PPARGC1B: variants seen among roughly 807,000 people sequenced by gnomAD.
PPARGC1B encodes the protein peroxisome proliferator-activated receptor gamma coactivator 1-beta.
Under a neutral mutation model 101.6 loss-of-function variants are expected in PPARGC1B, and 34 were observed. The ratio of observed to expected loss-of-function variants is 0.33; its 90% CI spans 0.25 to 0.45. The LOEUF is 0.45. Ranked by LOEUF, PPARGC1B falls within the 20% of genes least tolerant of loss-of-function variation. The pLI is 1.00. For synonymous variants in PPARGC1B, 548 were observed against 539.3 expected (o/e 1.02, Z -0.22); for missense variants, 1,234 against 1,317.6 (o/e 0.94, Z 0.98).
chr5:149,844,567 A>G (rs55983789), intron 10 of PPARGC1B, among the ~76,000 whole-genome samples: 1 of 152,362 alleles, frequency 6.6e-6, no homozygotes, highest in Non-Finnish European at 1.5e-5. Context: ...TGAACCCGGA[A>G]GGCAGAGGCT....
At chr5:149,774,443 T>G (rs144219179) in intron 1 of PPARGC1B, among the ~76,000 whole-genome samples, 1 of 152,222 alleles carries the variant, frequency 6.6e-6, no homozygotes, top group African/African-American at 2.4e-5. Context: ...GCCGGGCATA[T>G]AGCAGCGGAT....
At chr5:149,785,386 A>G (rs1276294887) in intron 1 of PPARGC1B, among the ~76,000 whole-genome samples, 1 of 152,146 alleles carries the variant, frequency 6.6e-6, no homozygotes, top group Admixed American at 6.5e-5. Context: ...GTCATCTGTA[A>G]AGAGGGATGC....
chr5:149,748,667 T>C (rs893905016), intron 1 of PPARGC1B, among the ~76,000 whole-genome samples: 3 of 152,182 alleles, frequency 2.0e-5, no homozygotes, highest in African/African-American at 7.2e-5. Flanking sequence ...AGGGGCCTCC[T>C]AGCCAGGGAC....
chr5:149,832,612 G>A lies in PPARGC1B; in HGVS notation c.583-44G>A. ...CATGCGGATGAGACACATGGGAGGA[G>A]TGTTTGGGCCTCCTTCCTCACTCTG... On this transcript the variant is annotated intron_variant, in intron 4 of 11. Coordinates refer to ENST00000309241, the MANE Select transcript of PPARGC1B (RefSeq NM_133263.4). The surrounding 1 kb of genome is among the most constrained non-coding windows in gnomAD (Gnocchi z 4.9). 1 of 1,454,176 alleles carries A rather than the reference G, an allele frequency of 6.9e-7. No individual in the cohort carries two copies. Among genetic ancestry groups the A allele is most frequent in the South Asian group, 1.4e-5 (1 of 70,340 alleles). The allele number at this position is 1,454,176 out of a possible 1,614,324, so 90.1% of individuals were successfully genotyped here. A position where few individuals can be genotyped will look rare whatever the true frequency, so the allele number is the denominator to read the frequency against.
At chr5:149,762,135 T>G (rs540373487) in intron 1 of PPARGC1B, among the ~76,000 whole-genome samples, 2 of 149,844 alleles carry the variant, frequency 1.3e-5, no homozygotes, top group East Asian at 3.9e-4. Flanking sequence ...GGTGGGTGAC[T>G]TGGGTCAGGA....
At chr5:149,758,653 A>G (rs962751766) in intron 1 of PPARGC1B, among the ~76,000 whole-genome samples, 3 of 152,034 alleles carry the variant, frequency 2.0e-5, no homozygotes, top group Non-Finnish European at 2.9e-5. Context: ...GCCCCCAGGA[A>G]CTCATCACCA....
Position 149,837,118 on chromosome 5 carries a change from C to A in PPARGC1B, c.2618+45C>A, listed in dbSNP as rs763912217. On this transcript the variant is annotated intron_variant, in intron 8 of 11. Coordinates refer to ENST00000309241, the MANE Select transcript of PPARGC1B (RefSeq NM_133263.4). The surrounding 1 kb of genome is among the most constrained non-coding windows in gnomAD (Gnocchi z 4.2). ...GGAGAGGCAGCGGGCAGTGGAGGAT[C>A]CCAGTTCCCGGGGAGCCAGGAGCCC... 1.3e-6 allele frequency: 2 copies of A among 1,541,292 alleles called. No homozygotes were observed. Among genetic ancestry groups the A allele is most frequent in the Admixed American group, 2.0e-5 (1 of 49,806 alleles).
chr5:149,771,574 G>A (rs1756132678), intron 1 of PPARGC1B, among the ~76,000 whole-genome samples: 1 of 152,218 alleles, frequency 6.6e-6, no homozygotes, highest in Non-Finnish European at 1.5e-5. Flanking sequence ...GTATCGTCTT[G>A]GACCTGTGAG....
rs185209930 is a variant in PPARGC1B at position 149,780,931 on chromosome 5, C to A, written c.79-39502C>A. On this transcript the variant is annotated intron_variant, in intron 1 of 11. Coordinates refer to ENST00000309241, the MANE Select transcript of PPARGC1B (RefSeq NM_133263.4). ...TAAGAAGGGGCTTTCCGGCAGGGCG[C>A]GGTGGCTCATGCCTGTAATCCCAGC... is the stretch of plus-strand genomic sequence containing the variant. Among the ~76,000 whole-genome samples the A allele has an allele frequency of 2.4e-3, 365 of 152,262 alleles. 3 individuals are homozygous for A. Among genetic ancestry groups the A allele is most frequent in the African/African-American group, 8.4e-3 (351 of 41,562 alleles).
intron 10 of PPARGC1B, among the ~76,000 whole-genome samples, chr5:149,842,710 G>A (rs1267673517): frequency 6.6e-6 from 1 of 152,230 alleles, no homozygotes; most frequent in African/African-American, 2.4e-5. Flanking sequence ...GCAGCTAGTT[G>A]GTGGCAGAGC....
At chr5:149,846,321 C>A in intron 11 of PPARGC1B, 1 of 372,150 alleles carries the variant, frequency 2.7e-6, no homozygotes. Context: ...TGAAGAAGGA[C>A]AAAGAAGTAC....
chr5:149,833,578 C>T lies in PPARGC1B; in HGVS notation c.1505C>T (p.Pro502Leu), dbSNP rs202063418. ...GATGAGCCGCTGGTCCCCTCGGAGC[C>T]CCAAGGTGCTCTGCCCTCACTGTGC... is the stretch of plus-strand genomic sequence containing the variant. Reference protein sequence around the residue: ...FADEPLVPSEPQGALPSLCLA... With the variant: ...FADEPLVPSELQGALPSLCLA... Residue 502 changes from proline to leucine, a missense_variant, in exon 5 of 12, where the codon CCC becomes CTC. Physicochemically the swap from Pro to Leu is moderately conservative, Grantham distance 98 (BLOSUM62 -3). Coordinates refer to ENST00000309241, the MANE Select transcript of PPARGC1B (RefSeq NM_133263.4). The surrounding 1 kb of genome is among the most constrained non-coding windows in gnomAD (Gnocchi z 4.1). The T allele has an allele frequency of 6.3e-7, 1 of 1,599,462 alleles. No individual in the cohort carries two copies. The highest frequency in any genetic ancestry group is 8.5e-7 in the Non-Finnish European group (1 of 1,173,324).
chr5:149,773,186 A>G (rs1236703680), intron 1 of PPARGC1B, among the ~76,000 whole-genome samples: 1 of 152,234 alleles, frequency 6.6e-6, no homozygotes, highest in East Asian at 1.9e-4. Flanking sequence ...CACAGGCTGC[A>G]GTTCAGGTTG....
Position 149,837,180 on chromosome 5 carries a change from T to C in PPARGC1B, c.2618+107T>C. 1.4e-6 allele frequency: 2 copies of C among 1,474,520 alleles called. No homozygotes were observed. Among genetic ancestry groups the C allele is most frequent in the Non-Finnish European group, 9.0e-7 (1 of 1,108,404 alleles). 91.3% of individuals were successfully genotyped at this position (1,474,520 alleles called of 1,614,324 possible). A position where few individuals can be genotyped will look rare whatever the true frequency, so the allele number is the denominator to read the frequency against. On this transcript the variant is annotated intron_variant, in intron 8 of 11. Coordinates refer to ENST00000309241, the MANE Select transcript of PPARGC1B (RefSeq NM_133263.4). The surrounding 1 kb of genome is among the most constrained non-coding windows in gnomAD (Gnocchi z 4.2). ...ATCCCTGGGAAGCTTGCTCTGAAAC[T>C]GAGGCTGCATCTCCCAGTGTGGCCC... is the stretch of plus-strand genomic sequence containing the variant.
chr5:149,777,407 C>G (rs2113209156), intron 1 of PPARGC1B, among the ~76,000 whole-genome samples: 1 of 152,280 alleles, frequency 6.6e-6, no homozygotes, highest in South Asian at 2.1e-4. Flanking sequence ...CTACCTCCTT[C>G]CAAAAGCCAC....
At chr5:149,775,407 G>A (rs552462815) in intron 1 of PPARGC1B, among the ~76,000 whole-genome samples, 47 of 152,162 alleles carry the variant, frequency 3.1e-4, no homozygotes, top group African/African-American at 1.0e-3. Context: ...CCTGCCTGCC[G>A]CCCAGGTTGC....
chr5:149,757,687 A>G (rs1755583807), intron 1 of PPARGC1B, among the ~76,000 whole-genome samples: 1 of 152,218 alleles, frequency 6.6e-6, no homozygotes, highest in Non-Finnish European at 1.5e-5. Flanking sequence ...CTGCTCAGAG[A>G]GCTGCAGAGA....
intron 1 of PPARGC1B, among the ~76,000 whole-genome samples, chr5:149,814,855 G>T (rs1757992947): frequency 6.6e-6 from 1 of 152,244 alleles, no homozygotes; most frequent in South Asian, 2.1e-4. Flanking sequence ...ATGTGGTGTT[G>T]CTGGAGAAGG....
At chr5:149,779,921 C>G (rs1165704543) in intron 1 of PPARGC1B, among the ~76,000 whole-genome samples, 1 of 152,164 alleles carries the variant, frequency 6.6e-6, no homozygotes, top group East Asian at 1.9e-4. Flanking sequence ...CTTCCCCTGG[C>G]CTTGGTCTGC....
Sources: allele counts gnomAD v4.1 joint callset (sites outside exome capture counted in the v4.1 genomes callset), GRCh38; gene constraint gnomAD v4.1.1; non-coding constraint Gnocchi (gnomAD v3.1); transcripts MANE v1.5; gene names NCBI Gene and HGNC (gene_info 2026-07-23, HGNC 2026-07-21).